LMBR1: variants seen among roughly 807,000 people sequenced by gnomAD.
LMBR1 encodes limb development membrane protein 1.
LMBR1 carries 52 observed loss-of-function variants against 73.9 expected under a neutral mutation model. The observed-to-expected ratio is 0.70, with a 90% confidence interval of 0.56 to 0.89. The LOEUF (loss-of-function observed/expected upper bound fraction) is 0.89. Ranked by LOEUF, LMBR1 falls within the 40% of genes least tolerant of loss-of-function variation. The pLI is 0.00. For synonymous variants in LMBR1, 215 were observed against 209.4 expected (o/e 1.03, Z -0.23); for missense variants, 539 against 579.8 (o/e 0.93, Z 0.72).
At chr7:156,747,551 CT>C (rs1352457397) in intron 9 of LMBR1, among the ~76,000 whole-genome samples, 14 of 152,034 alleles carry the variant, frequency 9.2e-5, no homozygotes, top group Non-Finnish European at 1.6e-4. Flanking sequence ...TCTGCAAGCC[CT>C]TCAAATAATT....
At chr7:156,834,158 CA>C (rs1217861910) in intron 2 of LMBR1, among the ~76,000 whole-genome samples, 1 of 152,028 alleles carries the variant, frequency 6.6e-6, no homozygotes, top group Non-Finnish European at 1.5e-5. Context: ...TAACAGCCAA[CA>C]AAAGTTACTA....
At chr7:156,734,321 CT>C in intron 9 of LMBR1, 64 bp from the exon 10 acceptor site, 1 of 1,014,778 alleles carries the variant, frequency 9.9e-7, no homozygotes, top group South Asian at 1.8e-5. Context: ...ACAGGTAGCC[CT>C]TTAATTAAAA....
intron 4 of LMBR1, among the ~76,000 whole-genome samples, chr7:156,816,110 T>C: frequency 6.6e-6 from 1 of 152,112 alleles, no homozygotes; most frequent in Admixed American, 6.5e-5. Context: ...CACTAAAAAG[T>C]ATCTCTTCTG....
At position 156,842,525 on chromosome 7, in the gene LMBR1, G is replaced by C. The variant is rs183598317; in HGVS notation, c.67-5640C>G. Among the ~76,000 whole-genome samples the C allele has an allele frequency of 2.6e-3, 402 of 152,272 alleles. 7 individuals carry two copies. Among genetic ancestry groups the C allele is most frequent in the African/African-American group, 9.1e-3 (377 of 41,540 alleles). ...AATGCCTGGGAAAGGGAGAGATAAG[G>C]CTCACTAGCCTCAGAAAGAAAAACA... On this transcript the variant is annotated intron_variant, in intron 1 of 16. Transcript: ENST00000353442.
At chr7:156,700,336 G>A (rs967625312) in intron 15 of LMBR1, among the ~76,000 whole-genome samples, 1 of 151,866 alleles carries the variant, frequency 6.6e-6, no homozygotes, top group Admixed American at 6.6e-5. Context: ...GGTGGGAATC[G>A]AACAATGAGA....
chr7:156,728,731 G>GA lies in LMBR1; in HGVS notation c.839-12dup. ...CCTTTTTTCGCCTCTCTATTAAAAG[G>GA]AAAAACAAAATAAAACAAAGTTTTC... On this transcript the variant is annotated splice_polypyrimidine_tract_variant and intron_variant, in intron 10 of 16. Transcript: ENST00000353442. The GA allele has an allele frequency of 6.3e-7, 1 of 1,578,430 alleles. No individual in the cohort carries two copies. Among genetic ancestry groups the GA allele is most frequent in the Non-Finnish European group, 8.6e-7 (1 of 1,163,410 alleles).
chr7:156,700,318 C>A lies in LMBR1; in HGVS notation c.1226-12127G>T, dbSNP rs550461173. On this transcript the variant is annotated intron_variant, in intron 15 of 16. Coordinates refer to ENST00000353442, the MANE Select transcript of LMBR1 (RefSeq NM_022458.4). ...CAAAAAACCAAACACTGCATGTTCT[C>A]ACTCATAGGTGGGAATCGAACAATG... is the stretch of plus-strand genomic sequence containing the variant. Among the ~76,000 whole-genome samples the A allele has an allele frequency of 2.6e-5, 4 of 152,052 alleles. No individual in the cohort carries two copies. The East Asian group carries it at 7.7e-4, about 29-fold the overall frequency.
intron 1 of LMBR1, among the ~76,000 whole-genome samples, chr7:156,847,389 T>C (rs1331696260): frequency 6.6e-6 from 1 of 152,182 alleles, no homozygotes; most frequent in Admixed American, 6.5e-5. Flanking sequence ...GGGGATTGCT[T>C]TTTAGATACA....
intron 3 of LMBR1, among the ~76,000 whole-genome samples, chr7:156,829,439 T>C (rs1326977443): frequency 6.6e-6 from 1 of 152,142 alleles, no homozygotes; most frequent in Non-Finnish European, 1.5e-5. Flanking sequence ...AGAGAGCTGG[T>C]TGTTTAAAGG....
intron 1 of LMBR1, among the ~76,000 whole-genome samples, chr7:156,853,150 G>A (rs1796475878): frequency 1.3e-5 from 2 of 151,936 alleles, no homozygotes; most frequent in African/African-American, 4.8e-5. Context: ...GTGTTAGCCA[G>A]GATGGTCTCG....
At chr7:156,860,361 T>C (rs1490358854) in intron 1 of LMBR1, among the ~76,000 whole-genome samples, 1 of 152,118 alleles carries the variant, frequency 6.6e-6, no homozygotes, top group South Asian at 2.1e-4. Context: ...TGAGACTTAT[T>C]CACTATCACA....
chr7:156,715,949 C>A (rs1034484788), intron 15 of LMBR1, among the ~76,000 whole-genome samples: 46 of 152,062 alleles, frequency 3.0e-4, no homozygotes, highest in Non-Finnish European at 5.9e-5. Context: ...ACCACCAGGG[C>A]AAAAGCAAGA....
chr7:156,672,337 C>T (rs1802723254), intron 4 of LMBR1, among the ~76,000 whole-genome samples: 1 of 152,100 alleles, frequency 6.6e-6, no homozygotes, highest in Admixed American at 6.5e-5. Context: ...GATGCTATTA[C>T]CAGCGTTAAG....
intron 4 of LMBR1, among the ~76,000 whole-genome samples, chr7:156,821,719 G>C (rs993288796): frequency 2.0e-5 from 3 of 152,228 alleles, no homozygotes; most frequent in Non-Finnish European, 4.4e-5. Flanking sequence ...AGCAGAGGAA[G>C]ATTTTAATAA....
At chr7:156,761,175 T>C (rs997533649) in intron 8 of LMBR1, among the ~76,000 whole-genome samples, 1 of 152,130 alleles carries the variant, frequency 6.6e-6, no homozygotes, top group African/African-American at 2.4e-5. Flanking sequence ...GAAAACTGAG[T>C]GTGGACCAGG....
At chr7:156,756,667 C>G (rs373356338) in intron 8 of LMBR1, among the ~76,000 whole-genome samples, 2 of 152,130 alleles carry the variant, frequency 1.3e-5, no homozygotes, top group African/African-American at 4.8e-5. Context: ...CAAAAGTTAT[C>G]ACAAACCCTA....
Position 156,725,769 on chromosome 7 carries a change from C to T in LMBR1, c.1062G>A (p.Leu354=). ...TTCAGTTAAAGAAAGGATACAAAAT[C>T]AAAATGATTTCAAGCGCAGCTCCCA... ...GFVGAALEII[L]IFYLMVSSVV... is the part of the protein sequence containing the mutation. Residue 354 remains leucine, a synonymous_variant, in exon 13 of 17, where the codon TTG becomes TTA. Transcript: ENST00000353442. The T allele has an allele frequency of 6.2e-7, 1 of 1,612,980 alleles. No individual in the cohort carries two copies. The highest frequency in any genetic ancestry group is 8.5e-7 in the Non-Finnish European group (1 of 1,179,510).
chr7:156,723,292 T>C (rs182747520), intron 15 of LMBR1, among the ~76,000 whole-genome samples: 3 of 152,262 alleles, frequency 2.0e-5, no homozygotes, highest in Non-Finnish European at 2.9e-5. Context: ...TGAGAGCTAA[T>C]GCAAAAGCAA....
At chr7:156,888,842 G>T (rs1039061080) in intron 1 of LMBR1, among the ~76,000 whole-genome samples, 1 of 152,002 alleles carries the variant, frequency 6.6e-6, no homozygotes, top group Non-Finnish European at 1.5e-5. Context: ...ATCACCTGGG[G>T]TCAGGAGTTC....
Sources: allele counts gnomAD v4.1 joint callset (sites outside exome capture counted in the v4.1 genomes callset), GRCh38; gene constraint gnomAD v4.1.1; transcripts MANE v1.5; gene names NCBI Gene and HGNC (gene_info 2026-07-23, HGNC 2026-07-21).